Variants in ATG5 observed in about 807,000 individuals in gnomAD.
ATG5 encodes the protein autophagy protein 5.
In ATG5, 14 loss-of-function variants were observed where a neutral mutation model predicts 36.5. That is an observed-to-expected ratio of 0.38 (90% CI 0.25 to 0.60). The LOEUF (loss-of-function observed/expected upper bound fraction) is 0.60, where lower values mean the gene tolerates loss of function less well. Among genes scored for constraint, ATG5 ranks in the 20% least tolerant of loss-of-function variants. The probability of loss-of-function intolerance (pLI) is 0.60; values close to 1 mark genes in which losing one functional copy is unlikely to be tolerated. For synonymous variants in ATG5, 95 were observed against 101.5 expected (o/e 0.94, Z 0.38); for missense variants, 195 against 326.7 (o/e 0.60, Z 3.11).
intron 1 of ATG5, among the ~76,000 whole-genome samples, chr6:106,323,318 G>A (rs1771170268): frequency 7.5e-6 from 1 of 133,960 alleles, no homozygotes; most frequent in Non-Finnish European, 1.6e-5. Context: ...CACCCAGGAT[G>A]GACTACAGTG....
chr6:106,322,009 A>G (rs1462861162), intron 1 of ATG5, among the ~76,000 whole-genome samples: 1 of 152,180 alleles, frequency 6.6e-6, no homozygotes, highest in Non-Finnish European at 1.5e-5. Context: ...TAAATTCGGC[A>G]TATTTTGTTA....
In ATG5 at chr6:106,312,719, A is replaced by C. The variant is rs933844016; in HGVS notation, c.108+3382T>G. 3.3e-5 allele frequency among the ~76,000 whole-genome samples: 5 copies of C among 152,220 alleles called. No homozygotes were observed. In the East Asian group the frequency reaches 9.6e-4, roughly 29 times the overall value. ...TACTGAGCACTGCAGGGCTAACAGG[A>C]CAATGCCACAAGATGGGAGAAGCAA... On this transcript the variant is annotated intron_variant, in intron 2 of 7. Transcript: ENST00000369076.
intron 5 of ATG5, among the ~76,000 whole-genome samples, chr6:106,277,521 A>G (rs1582644067): frequency 6.6e-6 from 1 of 152,242 alleles, no homozygotes; most frequent in African/African-American, 2.4e-5. Context: ...TTGGTTATAA[A>G]TATACACTAG....
intron 1 of ATG5, among the ~76,000 whole-genome samples, chr6:106,322,521 C>T (rs1369194459): frequency 1.3e-5 from 2 of 152,166 alleles, no homozygotes; most frequent in African/African-American, 2.4e-5. Context: ...ACCTTCTCCT[C>T]CCTCAAATGT....
In ATG5 at chr6:106,279,784, C is replaced by A; in HGVS notation, c.355G>T (p.Asp119Tyr). 1 of 1,604,460 alleles carries A rather than the reference C, an allele frequency of 6.2e-7. No homozygotes were observed. Among genetic ancestry groups the A allele is most frequent in the Non-Finnish European group, 8.5e-7 (1 of 1,175,062 alleles). The change falls in exon 5 of 8, where the codon GAT becomes TAT. Residue 119 changes from aspartate to tyrosine, a missense_variant. Asp to Tyr is a radical substitution (Grantham distance 160). Transcript: ENST00000369076. ...GACATAAAATGAGCTTCAATTGCATCCTTAGATGGACAGTGCAGAAGGTCT... is the reference window on the plus strand; with the variant it reads ...GACATAAAATGAGCTTCAATTGCATACTTAGATGGACAGTGCAGAAGGTCT... ...EKDLLHCPSKDAIEAHFMSCM... is the reference protein window; with the variant it reads ...EKDLLHCPSKYAIEAHFMSCM...
At chr6:106,256,160 A>G (rs1778790618) in intron 5 of ATG5, among the ~76,000 whole-genome samples, 1 of 152,052 alleles carries the variant, frequency 6.6e-6, no homozygotes, top group East Asian at 1.9e-4. Flanking sequence ...AACATTTATT[A>G]TGTAGGTAAT....
intron 4 of ATG5, among the ~76,000 whole-genome samples, chr6:106,290,264 T>A (rs967096667): frequency 4.6e-4 from 57 of 125,204 alleles, no homozygotes; most frequent in African/African-American, 1.2e-3. Flanking sequence ...ATTTTATTTA[T>A]TTTATTTTAT....
intron 4 of ATG5, among the ~76,000 whole-genome samples, chr6:106,280,948 TTATCC>T (rs1164061016): frequency 3.3e-5 from 5 of 152,120 alleles, no homozygotes; most frequent in Non-Finnish European, 7.4e-5. Flanking sequence ...TACAAAGTTA[TTATCC>T]TATATGTCCT....
chr6:106,191,768 A>C (rs559009650), intron 7 of ATG5, among the ~76,000 whole-genome samples: 1 of 152,178 alleles, frequency 6.6e-6, no homozygotes, highest in Non-Finnish European at 1.5e-5. Flanking sequence ...GTATGTGAGG[A>C]CAGAAGATCA....
intron 6 of ATG5, among the ~76,000 whole-genome samples, chr6:106,243,842 ATAAG>A (rs1005815928): frequency 7.9e-5 from 12 of 151,564 alleles, no homozygotes; most frequent in South Asian, 4.1e-4. Flanking sequence ...AAATAAATAA[ATAAG>A]TAAGTAAATA....
intron 1 of ATG5, among the ~76,000 whole-genome samples, chr6:106,317,050 G>A (rs1206270639): frequency 6.6e-6 from 1 of 152,002 alleles, no homozygotes; most frequent in Non-Finnish European, 1.5e-5. Flanking sequence ...CACAAATATA[G>A]CACTAGATCT....
intron 6 of ATG5, among the ~76,000 whole-genome samples, chr6:106,203,336 C>T (rs1287085077): frequency 6.6e-6 from 1 of 152,128 alleles, no homozygotes; most frequent in East Asian, 1.9e-4. Context: ...CTATGAAGAG[C>T]ACCACTGTTT....
At chr6:106,237,522 A>G (rs1562229332) in intron 6 of ATG5, among the ~76,000 whole-genome samples, 2 of 152,232 alleles carry the variant, frequency 1.3e-5, no homozygotes, top group Non-Finnish European at 2.9e-5. Context: ...AACTTAAAAA[A>G]TAATACTTGC....
At chr6:106,307,251 T>A (rs1323045976) in intron 3 of ATG5, among the ~76,000 whole-genome samples, 1 of 152,214 alleles carries the variant, frequency 6.6e-6, no homozygotes, top group African/African-American at 2.4e-5. Flanking sequence ...ATTCCCCGAT[T>A]CAGAGAGCAA....
rs35892579 is a variant in ATG5, at chr6:106,195,808, T to TAAA, written c.691+6161_691+6163dup. The stretch of plus-strand genomic sequence containing the variant: ...GCTGCGCTGCCTCACTGCTCCCCTC[T>TAAA]AAAAAAAAAAAAAAAAAAAAAAAAC... On this transcript the variant is annotated intron_variant, in intron 7 of 7. Coordinates refer to ENST00000369076, the MANE Select transcript of ATG5 (RefSeq NM_004849.4). Among the ~76,000 whole-genome samples the TAAA allele has an allele frequency of 3.6e-4, 33 of 91,358 alleles. No individual in the cohort carries two copies. In the South Asian group the frequency reaches 4.2e-3, roughly 12 times the overall value. 59.9% of individuals were successfully genotyped at this position (91,358 alleles called of 152,430 possible). A position where few individuals can be genotyped will look rare whatever the true frequency, so the allele number is the denominator to read the frequency against.
At position 106,238,451 on chromosome 6, in the gene ATG5, A is replaced by G. The variant is rs183515573; in HGVS notation, c.573+9699T>C. Among the ~76,000 whole-genome samples, 537 of 152,316 alleles carry G rather than the reference A, an allele frequency of 3.5e-3. 2 individuals carry two copies. The highest frequency in any genetic ancestry group is 6.1e-3 in the Non-Finnish European group (415 of 68,018). Reference sequence around the variant, plus strand: ...AACTATACTTGGATGGGATTCTGGGAGCTAACCCATCCCTCTCTCCCCTTT... The same window carrying G: ...AACTATACTTGGATGGGATTCTGGGGGCTAACCCATCCCTCTCTCCCCTTT... On this transcript the variant is annotated intron_variant, in intron 6 of 7. Coordinates refer to ENST00000369076, the MANE Select transcript of ATG5 (RefSeq NM_004849.4).
At chr6:106,227,939 A>G (rs1398172418) in intron 6 of ATG5, among the ~76,000 whole-genome samples, 1 of 152,192 alleles carries the variant, frequency 6.6e-6, no homozygotes, top group Admixed American at 6.5e-5. Flanking sequence ...CCAGGCAGCA[A>G]TGAATTGTAA....
intron 6 of ATG5, among the ~76,000 whole-genome samples, chr6:106,238,111 A>T (rs1777966229): frequency 6.6e-6 from 1 of 152,208 alleles, no homozygotes; most frequent in Admixed American, 6.5e-5. Flanking sequence ...AGCACTAAGC[A>T]TCCATTCTAT....
intron 5 of ATG5, among the ~76,000 whole-genome samples, chr6:106,256,954 A>T (rs776286566): frequency 6.6e-6 from 1 of 152,220 alleles, no homozygotes; most frequent in Non-Finnish European, 1.5e-5. Flanking sequence ...GTCTTTTGTA[A>T]TAACACTTAG....
Sources: gnomAD v4.1 joint callset for allele counts (sites outside exome capture counted in the v4.1 genomes callset) on GRCh38, gnomAD v4.1.1 for gene constraint, MANE v1.5 for transcripts, NCBI Gene and HGNC (gene_info 2026-07-23, HGNC 2026-07-21) for gene names.